Variants in KCND2 observed in about 807,000 individuals in gnomAD.
The protein encoded by KCND2 is potassium voltage-gated channel subfamily D member 2.
In KCND2, 16 loss-of-function variants were observed where a neutral mutation model predicts 54.4. The observed-to-expected ratio is 0.29, with a 90% confidence interval of 0.20 to 0.45. The LOEUF (loss-of-function observed/expected upper bound fraction) is 0.45, where lower values mean the gene tolerates loss of function less well. KCND2 is among the 20% of genes least tolerant of loss of function. KCND2 has a pLI of 1.00. For synonymous variants in KCND2, 317 were observed against 310.7 expected (o/e 1.02, Z -0.21); for missense variants, 486 against 824.2 (o/e 0.59, Z 5.02).
At chr7:120,484,195 A>G (rs1466765350) in intron 1 of KCND2, among the ~76,000 whole-genome samples, 4 of 152,178 alleles carry the variant, frequency 2.6e-5, no homozygotes, top group East Asian at 1.9e-4. Flanking sequence ...GGTACAGGAC[A>G]CATTCATGGG....
At chr7:120,646,408 T>A (rs192786375) in intron 1 of KCND2, among the ~76,000 whole-genome samples, 4 of 152,378 alleles carry the variant, frequency 2.6e-5, no homozygotes, top group African/African-American at 9.6e-5. Flanking sequence ...TTTTAAAAAG[T>A]AATTTTTCTG....
At chr7:120,620,087 A>G (rs1360482873) in intron 1 of KCND2, among the ~76,000 whole-genome samples, 2 of 152,208 alleles carry the variant, frequency 1.3e-5, no homozygotes, top group African/African-American at 4.8e-5. Flanking sequence ...AAATGATGAG[A>G]TGCTTAAGAA....
intron 1 of KCND2, among the ~76,000 whole-genome samples, chr7:120,402,338 G>T (rs141598990): frequency 6.6e-6 from 1 of 152,232 alleles, no homozygotes; most frequent in African/African-American, 2.4e-5. Flanking sequence ...AACAAAGAAC[G>T]GGGAGTACAA....
chr7:120,449,426 T>C lies in KCND2; in HGVS notation c.1115+173679T>C, dbSNP rs201391141. The stretch of plus-strand genomic sequence containing the variant: ...CCCTACTGGCCTTTCTCTGACCGGA[T>C]TGAAGATAAGAATTAAAATCATTTA... On this transcript the variant is annotated intron_variant, in intron 1 of 5. Coordinates refer to ENST00000331113, the MANE Select transcript of KCND2 (RefSeq NM_012281.3). Among the ~76,000 whole-genome samples, 466 of 152,310 alleles carry C rather than the reference T, an allele frequency of 3.1e-3. 1 individual carries two copies. Among genetic ancestry groups the C allele is most frequent in the Non-Finnish European group, 5.5e-3 (376 of 68,024 alleles).
intron 1 of KCND2, among the ~76,000 whole-genome samples, chr7:120,701,240 TAAAAAAAAAAAAAAAAAAAAAA>T (rs34803439): frequency 5.4e-5 from 3 of 55,096 alleles, no homozygotes; most frequent in Non-Finnish European, 1.1e-4. Flanking sequence ...AATGCCTAGC[TAAAAAAAAAAAAAAAAAAAAAA>T]AAAAAAAAAA....
chr7:120,730,850 A>G (rs1231827607), intron 1 of KCND2, among the ~76,000 whole-genome samples: 2 of 152,140 alleles, frequency 1.3e-5, no homozygotes, highest in East Asian at 1.9e-4. Flanking sequence ...CCACAAAACA[A>G]TGTTAGAGTG....
chr7:120,507,966 A>G (rs1228316582), intron 1 of KCND2, among the ~76,000 whole-genome samples: 1 of 151,858 alleles, frequency 6.6e-6, no homozygotes, highest in African/African-American at 2.4e-5. Context: ...ATTTTCATTA[A>G]TTTAATGATA....
chr7:120,321,402 A>G (rs930569771), intron 1 of KCND2, among the ~76,000 whole-genome samples: 1 of 151,992 alleles, frequency 6.6e-6, no homozygotes, highest in African/African-American at 2.4e-5. Flanking sequence ...CCAAAGCTTC[A>G]GTGTTATAGG....
At position 120,504,264 on chromosome 7, in the gene KCND2, A is replaced by G. The variant is rs557009825; in HGVS notation, c.1115+228517A>G. ...TTAAAATAATTCTTTAGTTCAAAACATGCAATAAATAGAATGATTTTTGAG... is the reference window on the plus strand; with the variant it reads ...TTAAAATAATTCTTTAGTTCAAAACGTGCAATAAATAGAATGATTTTTGAG... On this transcript the variant is annotated intron_variant, in intron 1 of 5. Coordinates refer to ENST00000331113, the MANE Select transcript of KCND2 (RefSeq NM_012281.3). Among the ~76,000 whole-genome samples, 48 of 152,114 alleles carry G rather than the reference A, an allele frequency of 3.2e-4. 1 individual carries two copies. Among genetic ancestry groups the G allele is most frequent in the Non-Finnish European group, 1.2e-4 (8 of 67,916 alleles).
At chr7:120,290,314 A>C (rs1253385679) in intron 1 of KCND2, among the ~76,000 whole-genome samples, 2 of 152,090 alleles carry the variant, frequency 1.3e-5, no homozygotes, top group African/African-American at 2.4e-5. Context: ...CCATAGAAGC[A>C]AAGTCCTCAG....
At chr7:120,326,301 T>C (rs1344695442) in intron 1 of KCND2, among the ~76,000 whole-genome samples, 1 of 152,152 alleles carries the variant, frequency 6.6e-6, no homozygotes, top group Non-Finnish European at 1.5e-5. Flanking sequence ...ATAAATGTTT[T>C]ATTACTTTAT....
chr7:120,585,179 CTT>C (rs113418068), intron 1 of KCND2, among the ~76,000 whole-genome samples: 77 of 145,078 alleles, frequency 5.3e-4, no homozygotes, highest in African/African-American at 1.8e-3. Flanking sequence ...AGTGTAGAGA[CTT>C]TTTTTTTTTT....
chr7:120,728,789 A>C (rs1363948635), intron 1 of KCND2, among the ~76,000 whole-genome samples: 3 of 152,234 alleles, frequency 2.0e-5, no homozygotes, highest in Admixed American at 2.0e-4. Context: ...CTAAAGAAAA[A>C]CAGAAAGAAT....
At chr7:120,673,165 G>A (rs918427169) in intron 1 of KCND2, among the ~76,000 whole-genome samples, 1 of 152,052 alleles carries the variant, frequency 6.6e-6, no homozygotes, top group Non-Finnish European at 1.5e-5. Context: ...CCAACACCTT[G>A]ATCTTGGACT....
At chr7:120,546,804 A>G (rs529592407) in intron 1 of KCND2, among the ~76,000 whole-genome samples, 41 of 152,124 alleles carry the variant, frequency 2.7e-4, no homozygotes, top group African/African-American at 9.6e-4. Flanking sequence ...ATTTTAAGTT[A>G]TATTTAGCAT....
intron 1 of KCND2, among the ~76,000 whole-genome samples, chr7:120,450,995 C>G (rs941633769): frequency 1.3e-5 from 2 of 152,146 alleles, no homozygotes; most frequent in African/African-American, 4.8e-5. Flanking sequence ...AATTCCTGGA[C>G]TCATTTTCCC....
chr7:120,328,256 A>T (rs1361037408), intron 1 of KCND2, among the ~76,000 whole-genome samples: 1 of 152,120 alleles, frequency 6.6e-6, no homozygotes, highest in Non-Finnish European at 1.5e-5. Flanking sequence ...AGGCAAATTC[A>T]TTATTAATTT....
chr7:120,337,335 A>T (rs1008750749), intron 1 of KCND2, among the ~76,000 whole-genome samples: 1 of 152,192 alleles, frequency 6.6e-6, no homozygotes, highest in Non-Finnish European at 1.5e-5. Context: ...AGTCATTTTT[A>T]AATCTCCTAT....
At chr7:120,326,241 G>A (rs1445944181) in intron 1 of KCND2, among the ~76,000 whole-genome samples, 1 of 152,044 alleles carries the variant, frequency 6.6e-6, no homozygotes, top group East Asian at 1.9e-4. Flanking sequence ...GGGCTGCCTA[G>A]AAAGAGCACT....
Sources: gnomAD v4.1 joint callset for allele counts (sites outside exome capture counted in the v4.1 genomes callset) on GRCh38, gnomAD v4.1.1 for gene constraint, MANE v1.5 for transcripts, NCBI Gene and HGNC (gene_info 2026-07-23, HGNC 2026-07-21) for gene names.